Variants in CTNNA3 observed in about 807,000 individuals in gnomAD.
The protein encoded by CTNNA3 is catenin alpha-3.
Under a neutral mutation model 95.7 loss-of-function variants are expected in CTNNA3, and 76 were observed. The ratio of observed to expected loss-of-function variants is 0.79; its 90% CI spans 0.66 to 0.96. The LOEUF (loss-of-function observed/expected upper bound fraction) is 0.96, where lower values mean the gene tolerates loss of function less well. Among genes scored for constraint, CTNNA3 ranks in the 40% least tolerant of loss-of-function variants. CTNNA3 has a pLI of 0.00. For missense variants in CTNNA3, 1,191 were observed against 1,089.8 expected (o/e 1.09, Z -1.31); for synonymous variants, 431 against 374.4 (o/e 1.15, Z -1.74).
At chr10:66,351,890 A>C (rs142342628) in intron 12 of CTNNA3, among the ~76,000 whole-genome samples, 1 of 152,014 alleles carries the variant, frequency 6.6e-6, no homozygotes, top group African/African-American at 2.4e-5. Flanking sequence ...GAAATTAGCA[A>C]ATGTTTAGTG....
rs116139641 is a variant in CTNNA3, at chr10:66,738,649, T to C, written c.1281+27615A>G. On this transcript the variant is annotated intron_variant, in intron 9 of 17. Transcript: ENST00000433211. ...TTGAACAAGGGGATCTTTACCCATATACACGTTTCATGTAAATAAGTGTAT... is the reference window on the plus strand; with the variant it reads ...TTGAACAAGGGGATCTTTACCCATACACACGTTTCATGTAAATAAGTGTAT... Among the ~76,000 whole-genome samples the C allele has an allele frequency of 4.9e-3, 754 of 152,342 alleles. 9 individuals are homozygous for C. The highest frequency in any genetic ancestry group is 0.017 in the African/African-American group (711 of 41,588).
At chr10:67,401,688 G>A (rs10997632) in intron 5 of CTNNA3, among the ~76,000 whole-genome samples, 2 of 152,102 alleles carry the variant, frequency 1.3e-5, no homozygotes, top group Admixed American at 1.3e-4. Context: ...TGATGAGGGG[G>A]TCATCTATTT....
intron 5 of CTNNA3, among the ~76,000 whole-genome samples, chr10:67,427,069 T>A (rs183248605): frequency 2.6e-5 from 4 of 152,196 alleles, no homozygotes; most frequent in Non-Finnish European, 5.9e-5. Flanking sequence ...ACCAGATGGT[T>A]TCACTTGATG....
At chr10:67,712,211 A>G (rs1589578250) in intron 1 of CTNNA3, among the ~76,000 whole-genome samples, 1 of 152,360 alleles carries the variant, frequency 6.6e-6, no homozygotes, top group East Asian at 1.9e-4. Flanking sequence ...GGGTACTGTT[A>G]AAGGCATTCA....
chr10:66,944,770 C>A (rs1363991810), intron 7 of CTNNA3, among the ~76,000 whole-genome samples: 1 of 152,164 alleles, frequency 6.6e-6, no homozygotes, highest in Non-Finnish European at 1.5e-5. Flanking sequence ...GATTCATAGG[C>A]TGCAGAATGG....
chr10:67,647,611 T>C, intron 1 of CTNNA3, 93 bp from the exon 2 acceptor site: 1 of 934,736 alleles, frequency 1.1e-6, no homozygotes, highest in East Asian at 2.5e-5. Flanking sequence ...AAAACTTGTA[T>C]TCAGCACCTC....
intron 15 of CTNNA3, among the ~76,000 whole-genome samples, chr10:66,060,230 G>A (rs36084838): frequency 0.082 from 12,415 of 152,002 alleles, 641 homozygotes; most frequent in Non-Finnish European, 0.13. Context: ...AAGATTCCGC[G>A]TGGACAGAAT....
intron 12 of CTNNA3, among the ~76,000 whole-genome samples, chr10:66,335,726 G>C (rs553001366): frequency 6.6e-6 from 1 of 152,120 alleles, no homozygotes; most frequent in Admixed American, 6.5e-5. Flanking sequence ...CTCCAGCTGC[G>C]TGCTGGGAGA....
intron 7 of CTNNA3, among the ~76,000 whole-genome samples, chr10:67,053,042 T>C (rs945337315): frequency 2.6e-5 from 4 of 152,192 alleles, no homozygotes; most frequent in African/African-American, 9.7e-5. Context: ...AAATTTAGTC[T>C]ATAACACATA....
intron 5 of CTNNA3, among the ~76,000 whole-genome samples, chr10:67,520,520 C>T (rs78462824): frequency 0.017 from 2,520 of 152,166 alleles, 76 homozygotes; most frequent in African/African-American, 0.055. Flanking sequence ...CTGGTGTGAA[C>T]GCTAAGCAGC....
chr10:66,430,191 T>G (rs1204156135), intron 11 of CTNNA3, among the ~76,000 whole-genome samples: 5 of 150,426 alleles, frequency 3.3e-5, no homozygotes, highest in Non-Finnish European at 7.4e-5. Flanking sequence ...GAATCCAACT[T>G]ACAAGGGATG....
intron 13 of CTNNA3, among the ~76,000 whole-genome samples, chr10:66,246,439 TC>T (rs1289403067): frequency 2.0e-5 from 3 of 152,184 alleles, no homozygotes; most frequent in Admixed American, 2.0e-4. Flanking sequence ...GGGCCAGGGC[TC>T]CTGCTTGTCC....
intron 7 of CTNNA3, among the ~76,000 whole-genome samples, chr10:66,813,906 T>C (rs761820393): frequency 2.6e-5 from 4 of 151,688 alleles, no homozygotes; most frequent in Non-Finnish European, 2.9e-5. Context: ...ATGTGAAATG[T>C]AGAGGCAAAA....
chr10:66,573,299 T>C (rs915680604), intron 10 of CTNNA3, among the ~76,000 whole-genome samples: 1 of 152,168 alleles, frequency 6.6e-6, no homozygotes, highest in African/African-American at 2.4e-5. Flanking sequence ...TGATATGCAT[T>C]ATTTCTGAAT....
At chr10:67,555,594 A>G (rs1841211934) in intron 3 of CTNNA3, among the ~76,000 whole-genome samples, 1 of 152,186 alleles carries the variant, frequency 6.6e-6, no homozygotes, top group South Asian at 2.1e-4. Flanking sequence ...TGATTTTTGT[A>G]CATTGATTTT....
intron 13 of CTNNA3, among the ~76,000 whole-genome samples, chr10:66,115,986 C>A (rs2082327565): frequency 6.6e-6 from 1 of 152,128 alleles, no homozygotes; most frequent in Non-Finnish European, 1.5e-5. Flanking sequence ...TAAGAATTCC[C>A]TACACTGCTA....
At chr10:66,515,305 A>ATC (rs1554809583) in intron 11 of CTNNA3, among the ~76,000 whole-genome samples, 2 of 69,914 alleles carry the variant, frequency 2.9e-5, no homozygotes, top group East Asian at 4.2e-4. Flanking sequence ...ATCTATCTAT[A>ATC]TGGAAAATAG....
At chr10:67,006,401 C>A (rs1184374603) in intron 7 of CTNNA3, among the ~76,000 whole-genome samples, 1 of 152,154 alleles carries the variant, frequency 6.6e-6, no homozygotes, top group African/African-American at 2.4e-5. Context: ...CCTTCTCTTT[C>A]TCCCTCTTTC....
chr10:66,624,176 G>A (rs1021184496), intron 9 of CTNNA3, among the ~76,000 whole-genome samples: 6 of 152,212 alleles, frequency 3.9e-5, no homozygotes, highest in Admixed American at 1.3e-4. Context: ...AAACAGATTT[G>A]GGTTTGAACC....
Sources: allele counts gnomAD v4.1 joint callset (sites outside exome capture counted in the v4.1 genomes callset), GRCh38; gene constraint gnomAD v4.1.1; transcripts MANE v1.5; gene names NCBI Gene and HGNC (gene_info 2026-07-23, HGNC 2026-07-21).